Variants in BSN observed in about 807,000 individuals in gnomAD.
BSN encodes bassoon presynaptic cytomatrix protein, also known as protein bassoon.
A neutral mutation model predicts 264.8 loss-of-function variants in BSN; 57 were observed. The ratio of observed to expected loss-of-function variants is 0.22; its 90% CI spans 0.17 to 0.27. BSN has a LOEUF of 0.27. Among genes scored for constraint, BSN ranks in the 10% least tolerant of loss-of-function variants. BSN has a pLI of 1.00. For missense variants in BSN, 4,615 were observed against 5,232.5 expected (o/e 0.88, Z 3.64); for synonymous variants, 2,059 against 2,137.3 (o/e 0.96, Z 1.01).
chr3:49,626,662 T>G (rs1263708737), intron 2 of BSN, among the ~76,000 whole-genome samples: 1 of 152,214 alleles, frequency 6.6e-6, no homozygotes, highest in Non-Finnish European at 1.5e-5. Flanking sequence ...CACCTGTGTG[T>G]TTCTGCCAGT....
intron 1 of BSN, among the ~76,000 whole-genome samples, chr3:49,595,273 A>G (rs1244644125): frequency 6.7e-6 from 1 of 150,162 alleles, no homozygotes; most frequent in Admixed American, 6.6e-5. Context: ...GCTCACTGCA[A>G]TCTCCACCTC....
intron 1 of BSN, among the ~76,000 whole-genome samples, chr3:49,569,043 G>T (rs1016474541): frequency 5.3e-5 from 8 of 152,140 alleles, no homozygotes; most frequent in African/African-American, 1.9e-4. Context: ...ATTGCTGAAT[G>T]GTTGGCTGTG....
chr3:49,589,880 C>G (rs2051964961), intron 1 of BSN, among the ~76,000 whole-genome samples: 1 of 150,510 alleles, frequency 6.6e-6, no homozygotes, highest in Admixed American at 6.6e-5. Flanking sequence ...ACTCTGTCGC[C>G]AGGCTGGAGT....
At position 49,662,319 on chromosome 3, in the gene BSN, C is replaced by G; in HGVS notation, c.10474C>G (p.Arg3492Gly). ...CTCATCCCTAAGTATGGCCCACAGC[C>G]GGGTACGACCCCCCATGCGGAGCCA... is the stretch of plus-strand genomic sequence containing the variant. ...KPSSLSMAHS[R>G]VRPPMRSQAS... Residue 3492 changes from arginine to glycine, a missense_variant, in exon 6 of 12, where the codon CGG becomes GGG. By Grantham distance (125) the Arg-to-Gly change is moderately radical. This residue lies in a region of BSN where 3,415 missense variants were observed against 3,866.4 expected (regional missense o/e 0.88). Coordinates refer to ENST00000296452, the MANE Select transcript of BSN (RefSeq NM_003458.4). 6.2e-7 allele frequency: 1 copy of G among 1,613,698 alleles called. No individual in the cohort carries two copies. The highest frequency in any genetic ancestry group is 1.3e-5 in the African/African-American group (1 of 75,066).
At chr3:49,649,611 G>T (rs186725719) in intron 3 of BSN, among the ~76,000 whole-genome samples, 2 of 152,290 alleles carry the variant, frequency 1.3e-5, no homozygotes, top group East Asian at 1.9e-4. Flanking sequence ...CAAACCCTAT[G>T]CCTGTACAAA....
intron 1 of BSN, among the ~76,000 whole-genome samples, chr3:49,609,470 G>A (rs1024629677): frequency 2.0e-5 from 3 of 152,118 alleles, no homozygotes; most frequent in Non-Finnish European, 4.4e-5. Context: ...AGAAGTTGGG[G>A]TCAGATGAGG....
intron 1 of BSN, among the ~76,000 whole-genome samples, chr3:49,580,909 T>G (rs962310045): frequency 1.6e-4 from 25 of 152,140 alleles, no homozygotes; most frequent in Non-Finnish European, 3.4e-4. Context: ...TTCTAAAATT[T>G]TTAATCACCC....
At position 49,656,808 on chromosome 3, in the gene BSN, G is replaced by A. The variant is rs961247181; in HGVS notation, c.7252G>A (p.Glu2418Lys). 3 of 1,594,018 alleles carry A rather than the reference G, an allele frequency of 1.9e-6. No homozygotes were observed. The highest frequency in any genetic ancestry group is 1.1e-5 in the South Asian group (1 of 88,234). Residue 2418 changes from glutamate to lysine, a missense_variant, in exon 5 of 12, where the codon GAG (glutamate) becomes AAG (lysine). Coordinates refer to ENST00000296452, the MANE Select transcript of BSN (RefSeq NM_003458.4). ...GCTGCTGGTGCAGCGGGAGTTGCAG[G>A]AGCTGCAGACCATCAAGCACCATGT... ...EQLLVQRELQ[E>K]LQTIKHHVLQ...
rs114022050 is a variant in BSN at position 49,627,409 on chromosome 3, T to A, written c.633+2026T>A. Among the ~76,000 whole-genome samples the A allele has an allele frequency of 4.9e-3, 740 of 152,316 alleles. 9 individuals carry two copies. The highest frequency in any genetic ancestry group is 0.017 in the African/African-American group (698 of 41,562). On this transcript the variant is annotated intron_variant, in intron 2 of 11. Coordinates refer to ENST00000296452, the MANE Select transcript of BSN (RefSeq NM_003458.4). ...CTAGAGTTGGCTTTCAGTGGTGTTC[T>A]TGTTAAGGAAAAAATAATCCTTGGC...
chr3:49,577,792 G>A (rs1032447214), intron 1 of BSN, among the ~76,000 whole-genome samples: 2 of 152,006 alleles, frequency 1.3e-5, no homozygotes, highest in African/African-American at 4.8e-5. Context: ...CACCCGCCTC[G>A]GCCTCCCAAA....
At chr3:49,565,336 G>A (rs1232277118) in intron 1 of BSN, among the ~76,000 whole-genome samples, 10 of 46,816 alleles carry the variant, frequency 2.1e-4, no homozygotes, top group Non-Finnish European at 3.8e-4. Flanking sequence ...TTTTTTTTTT[G>A]AGACAGAGTC....
chr3:49,594,240 T>C (rs1183725908), intron 1 of BSN, among the ~76,000 whole-genome samples: 1 of 152,260 alleles, frequency 6.6e-6, no homozygotes, highest in East Asian at 1.9e-4. Flanking sequence ...TTTCCTGTAA[T>C]GGCTTATGCT....
chr3:49,585,653 T>C lies in BSN; in HGVS notation c.224+30827T>C, dbSNP rs2051931624. On this transcript the variant is annotated intron_variant, in intron 1 of 11. Transcript: ENST00000296452. This position sits in a 1 kb window ranked among gnomAD's most constrained non-coding sequence, Gnocchi z 4.7. ...CCTGGGCGCTGCGTCTAACCCCAAT[T>C]TTTAGTTTTTTGAGAAACCTCCAAA... is the stretch of plus-strand genomic sequence containing the variant. 6.6e-6 allele frequency among the ~76,000 whole-genome samples: 1 copy of C among 152,222 alleles called. No homozygotes were observed. Among genetic ancestry groups the C allele is most frequent in the East Asian group, 1.9e-4 (1 of 5,204 alleles).
chr3:49,605,441 TATATATTATATAATATATATTATATATA>T (rs2052109241), intron 1 of BSN, among the ~76,000 whole-genome samples: 2 of 30,044 alleles, frequency 6.7e-5, no homozygotes, highest in African/African-American at 3.0e-4. Flanking sequence ...ATATATATTA[TATATATTATATAATATATATTATATATA>T]ATATATATTA....
rs770223064 is a variant in BSN at position 49,662,043 on chromosome 3, C to A, written c.10198C>A (p.Arg3400=). The stretch of plus-strand genomic sequence containing the variant: ...TGCAGTCAGCAGCAGCCTGGTCTCT[C>A]GGGGCAGGAAGTTCCAGGATGAAAT... ...PPAVSSSLVS[R]GRKFQDEITY... is the part of the protein sequence containing the mutation. The change falls in exon 6 of 12, where the codon CGG becomes AGG. Residue 3400 remains arginine, a synonymous_variant. Transcript: ENST00000296452. 6.2e-7 allele frequency: 1 copy of A among 1,613,768 alleles called. No individual in the cohort carries two copies. Among genetic ancestry groups the A allele is most frequent in the Admixed American group, 1.7e-5 (1 of 60,030 alleles).
At chr3:49,617,600 C>G (rs554097868) in intron 1 of BSN, among the ~76,000 whole-genome samples, 12 of 152,274 alleles carry the variant, frequency 7.9e-5, no homozygotes, top group African/African-American at 2.9e-4. Context: ...GGACACCTCC[C>G]TCTCTTTTTC....
At chr3:49,554,908 G>GCC (rs2051653451) in intron 1 of BSN, 82 bp downstream of exon 1, 1 of 875,050 alleles carries the variant, frequency 1.1e-6, no homozygotes, top group Non-Finnish European at 1.5e-6. Flanking sequence ...GCGATCTAGT[G>GCC]TGGACAGCGA....
chr3:49,564,835 G>A (rs1315941464), intron 1 of BSN, among the ~76,000 whole-genome samples: 1 of 152,158 alleles, frequency 6.6e-6, no homozygotes, highest in Admixed American at 6.6e-5. Flanking sequence ...CCTGTGCTCT[G>A]CAGAGGAAAC....
At chr3:49,574,666 C>T (rs1358175516) in intron 1 of BSN, among the ~76,000 whole-genome samples, 24 of 120,632 alleles carry the variant, frequency 2.0e-4, no homozygotes, top group South Asian at 6.3e-4. Flanking sequence ...GACAGAGTCT[C>T]ACTCTGTCAC....
Sources: gnomAD v4.1 joint callset for allele counts (sites outside exome capture counted in the v4.1 genomes callset) on GRCh38, gnomAD v4.1.1 for gene constraint, gnomAD v4.1.1 regional missense constraint, Gnocchi (gnomAD v3.1) non-coding constraint, MANE v1.5 for transcripts, NCBI Gene and HGNC (gene_info 2026-07-23, HGNC 2026-07-21) for gene names.